Variants in ADAMTS3 observed in about 807,000 individuals in gnomAD.
The protein encoded by ADAMTS3 is ADAM metallopeptidase with thrombospondin type 1 motif 3, also known as A disintegrin and metalloproteinase with thrombospondin motifs 3.
Under a neutral mutation model 129.0 loss-of-function variants are expected in ADAMTS3, and 73 were observed. The observed-to-expected ratio is 0.57, with a 90% CI of 0.47 to 0.69. The LOEUF is 0.69. Ranked by LOEUF, ADAMTS3 falls within the 30% of genes least tolerant of loss-of-function variation. ADAMTS3 has a pLI of 0.00. For synonymous variants in ADAMTS3, 477 were observed against 510.8 expected (o/e 0.93, Z 0.89); for missense variants, 1,457 against 1,514.5 (o/e 0.96, Z 0.63).
intron 4 of ADAMTS3, among the ~76,000 whole-genome samples, chr4:72,346,630 G>A (rs1720292129): frequency 6.6e-6 from 1 of 152,014 alleles, no homozygotes; most frequent in African/African-American, 2.4e-5. Context: ...AGTATTTTTT[G>A]TTAAATTAAA....
In ADAMTS3 at chr4:72,554,047, T is replaced by C. The variant is rs75755998; in HGVS notation, c.98-5163A>G. Reference sequence around the variant, plus strand: ...CAGCCTAATTATAATGTAAAAAAATTTTCTTGTCAGGGAATTCTCTTTTAT... The same window carrying C: ...CAGCCTAATTATAATGTAAAAAAATCTTCTTGTCAGGGAATTCTCTTTTAT... On this transcript the variant is annotated intron_variant, in intron 2 of 21. Transcript: ENST00000286657. Among the ~76,000 whole-genome samples, 824 of 152,254 alleles carry C rather than the reference T, an allele frequency of 5.4e-3. 3 individuals carry two copies. The highest frequency in any genetic ancestry group is 9.3e-3 in the Non-Finnish European group (634 of 68,010).
chr4:72,389,109 G>A (rs554559710), intron 4 of ADAMTS3, among the ~76,000 whole-genome samples: 2 of 152,258 alleles, frequency 1.3e-5, no homozygotes, highest in South Asian at 4.2e-4. Context: ...GGCACAGCAA[G>A]CCACCCTTAT....
chr4:72,330,939 A>T (rs2109821696), intron 5 of ADAMTS3, among the ~76,000 whole-genome samples: 1 of 152,208 alleles, frequency 6.6e-6, no homozygotes, highest in Middle Eastern at 3.4e-3. Context: ...GAATCTATAA[A>T]CTTTTTCTGT....
intron 3 of ADAMTS3, among the ~76,000 whole-genome samples, chr4:72,492,140 T>C (rs886684941): frequency 2.0e-5 from 3 of 151,900 alleles, no homozygotes; most frequent in African/African-American, 7.2e-5. Context: ...TATTAAATAT[T>C]TGAATCTTCT....
At chr4:72,454,765 G>A (rs1272398987) in intron 3 of ADAMTS3, among the ~76,000 whole-genome samples, 1 of 151,648 alleles carries the variant, frequency 6.6e-6, no homozygotes, top group Non-Finnish European at 1.5e-5. Flanking sequence ...AAGTGTATGA[G>A]CAGTGGAGGA....
chr4:72,312,134 A>G lies in ADAMTS3; in HGVS notation c.1921+157T>C. 3 of 687,888 alleles carry G rather than the reference A, an allele frequency of 4.4e-6. No homozygotes were observed. In the South Asian group the frequency reaches 6.0e-5, roughly 14 times the overall value. The allele number at this position is 687,888 out of a possible 1,614,324, so 42.6% of individuals were successfully genotyped here. A position where few individuals can be genotyped will look rare whatever the true frequency, so the allele number is the denominator to read the frequency against. Reference sequence around the variant, plus strand: ...TACCTCTTTAGAGAAAGGGTATTTAAGCCTTATTCTTAGAAACCCAGGAGA... The same window carrying G: ...TACCTCTTTAGAGAAAGGGTATTTAGGCCTTATTCTTAGAAACCCAGGAGA... On this transcript the variant is annotated intron_variant, in intron 13 of 21. Coordinates refer to ENST00000286657, the MANE Select transcript of ADAMTS3 (RefSeq NM_014243.3).
At chr4:72,378,706 C>A (rs1331693860) in intron 4 of ADAMTS3, among the ~76,000 whole-genome samples, 3 of 151,594 alleles carry the variant, frequency 2.0e-5, no homozygotes, top group Admixed American at 6.6e-5. Context: ...ATTATCTTAT[C>A]TTTCTATTGC....
At chr4:72,324,746 T>TG (rs1719657905) in intron 5 of ADAMTS3, among the ~76,000 whole-genome samples, 1 of 152,148 alleles carries the variant, frequency 6.6e-6, no homozygotes, top group South Asian at 2.1e-4. Context: ...ACAGAAAACC[T>TG]GAAGTATTGA....
intron 2 of ADAMTS3, among the ~76,000 whole-genome samples, chr4:72,565,533 T>C (rs1310186815): frequency 6.6e-6 from 1 of 152,218 alleles, no homozygotes; most frequent in East Asian, 1.9e-4. Flanking sequence ...ATACTTTTGC[T>C]ATCACAAGAC....
At chr4:72,356,323 T>C (rs1720580658) in intron 4 of ADAMTS3, among the ~76,000 whole-genome samples, 1 of 151,940 alleles carries the variant, frequency 6.6e-6, no homozygotes, top group Non-Finnish European at 1.5e-5. Flanking sequence ...AGGAGTATAG[T>C]TGAATAAACT....
At chr4:72,369,407 T>C (rs1040054020) in intron 4 of ADAMTS3, among the ~76,000 whole-genome samples, 2 of 152,058 alleles carry the variant, frequency 1.3e-5, no homozygotes, top group Admixed American at 1.3e-4. Flanking sequence ...GCTCCTCTTA[T>C]AACAAGTACT....
intron 3 of ADAMTS3, among the ~76,000 whole-genome samples, chr4:72,514,985 C>A (rs1337407345): frequency 6.6e-6 from 1 of 152,052 alleles, no homozygotes; most frequent in Non-Finnish European, 1.5e-5. Context: ...TCCCTCCCCG[C>A]TACCCCCACC....
chr4:72,386,959 T>C (rs1452184148), intron 4 of ADAMTS3, among the ~76,000 whole-genome samples: 1 of 152,194 alleles, frequency 6.6e-6, no homozygotes, highest in Non-Finnish European at 1.5e-5. Context: ...AATTGAAACA[T>C]TAGAGTTAAT....
intron 4 of ADAMTS3, among the ~76,000 whole-genome samples, chr4:72,377,132 A>G (rs1283640280): frequency 6.6e-6 from 1 of 152,190 alleles, no homozygotes; most frequent in East Asian, 1.9e-4. Context: ...CCACAAAGGC[A>G]ACTAAAAGGA....
At chr4:72,488,506 C>CAATG (rs1719648637) in intron 3 of ADAMTS3, among the ~76,000 whole-genome samples, 8 of 151,852 alleles carry the variant, frequency 5.3e-5, no homozygotes, top group Non-Finnish European at 1.2e-4. Context: ...CTGAGATGAT[C>CAATG]CATTGCTCAT....
At chr4:72,493,635 T>C (rs960982673) in intron 3 of ADAMTS3, among the ~76,000 whole-genome samples, 44 of 152,216 alleles carry the variant, frequency 2.9e-4, no homozygotes, top group Middle Eastern at 6.8e-3. Flanking sequence ...ACTTTGATGA[T>C]GTTACATTAA....
intron 3 of ADAMTS3, among the ~76,000 whole-genome samples, chr4:72,542,971 C>T (rs966079729): frequency 2.6e-4 from 39 of 152,124 alleles, no homozygotes; most frequent in African/African-American, 7.5e-4. Context: ...CTTTTTCTCT[C>T]GGAAAGATAT....
intron 6 of ADAMTS3, 151 bp downstream of exon 6, chr4:72,322,863 C>T (rs1578581694): frequency 1.7e-6 from 1 of 571,622 alleles, no homozygotes; most frequent in Non-Finnish European, 3.1e-6. Flanking sequence ...AGTCTCCACT[C>T]ATGTGGCAGT....
chr4:72,435,076 T>C (rs982869525), intron 3 of ADAMTS3, among the ~76,000 whole-genome samples: 1 of 151,900 alleles, frequency 6.6e-6, no homozygotes, highest in Non-Finnish European at 1.5e-5. Context: ...CTGTAATTCA[T>C]GCTTGAGCAA....
Sources: allele counts gnomAD v4.1 joint callset (sites outside exome capture counted in the v4.1 genomes callset), GRCh38; gene constraint gnomAD v4.1.1; transcripts MANE v1.5; gene names NCBI Gene and HGNC (gene_info 2026-07-23, HGNC 2026-07-21).